TMEM87B: variants seen among roughly 807,000 people sequenced by gnomAD.
TMEM87B encodes the protein transmembrane protein 87B.
In TMEM87B, 83 loss-of-function variants were observed where a neutral mutation model predicts 80.3. The ratio of observed to expected loss-of-function variants is 1.03; its 90% CI spans 0.87 to 1.24. TMEM87B has a LOEUF of 1.24. TMEM87B is among the 50% of genes most tolerant of loss of function. The probability of loss-of-function intolerance (pLI) is 0.00; values close to 1 mark genes in which losing one functional copy is unlikely to be tolerated. For synonymous variants in TMEM87B, 219 were observed against 230.5 expected, an observed-to-expected ratio of 0.95 and a Z score of 0.45; for missense variants, 625 against 674.4, an observed-to-expected ratio of 0.93 and a Z score of 0.81.
intron 10 of TMEM87B, among the ~76,000 whole-genome samples, chr2:112,089,924 C>T (rs969285428): frequency 2.6e-5 from 4 of 152,146 alleles, no homozygotes; most frequent in African/African-American, 9.7e-5. Context: ...TGACTGATTG[C>T]GAAGGCACCG....
At chr2:112,094,000 A>G (rs1311331370) in intron 11 of TMEM87B, among the ~76,000 whole-genome samples, 1 of 152,148 alleles carries the variant, frequency 6.6e-6, no homozygotes, top group Non-Finnish European at 1.5e-5. Flanking sequence ...TATCTATTCA[A>G]TTTAGAATTG....
chr2:112,116,281 G>C lies in TMEM87B; in HGVS notation c.*138G>C. Reference sequence around the variant, plus strand: ...TCTGTGTATCAAAATGAAGAATTCAGATGGTAGGAGGTTCTATAGTCCTTT... The same window carrying C: ...TCTGTGTATCAAAATGAAGAATTCACATGGTAGGAGGTTCTATAGTCCTTT... On this transcript the variant is annotated 3_prime_UTR_variant, in exon 19 of 19. Transcript: ENST00000283206. 1 of 696,416 alleles carries C rather than the reference G, an allele frequency of 1.4e-6. No homozygotes were observed. The highest frequency in any genetic ancestry group is 2.8e-5 in the Admixed American group (1 of 35,848). 43.1% of individuals were successfully genotyped at this position (696,416 alleles called of 1,614,324 possible). A position where few individuals can be genotyped will look rare whatever the true frequency, so the allele number is the denominator to read the frequency against.
At position 112,117,851 on chromosome 2, in the gene TMEM87B, G is replaced by A. The variant is rs1313753919; in HGVS notation, c.*1708G>A. 1 of 152,112 alleles carries A rather than the reference G, an allele frequency of 6.6e-6. No individual in the cohort carries two copies. Among genetic ancestry groups the A allele is most frequent in the East Asian group, 1.9e-4 (1 of 5,188 alleles). 9.4% of individuals were successfully genotyped at this position (152,112 alleles called of 1,614,324 possible). A position where few individuals can be genotyped will look rare whatever the true frequency, so the allele number is the denominator to read the frequency against. On this transcript the variant is annotated 3_prime_UTR_variant, in exon 19 of 19. Transcript: ENST00000283206. ...GACAGATTGACCCCCTACTCATTATGTGGCTCTAGTTGAATTTTAAAATGT... is the reference window on the plus strand; with the variant it reads ...GACAGATTGACCCCCTACTCATTATATGGCTCTAGTTGAATTTTAAAATGT...
intron 17 of TMEM87B, among the ~76,000 whole-genome samples, chr2:112,109,162 A>G (rs910159669): frequency 6.6e-6 from 1 of 152,252 alleles, no homozygotes; most frequent in African/African-American, 2.4e-5. Flanking sequence ...AAATTAATGT[A>G]TAAATAGTCT....
intron 11 of TMEM87B, among the ~76,000 whole-genome samples, chr2:112,093,050 T>C (rs1041536617): frequency 6.6e-6 from 1 of 152,246 alleles, no homozygotes; most frequent in Non-Finnish European, 1.5e-5. Flanking sequence ...ATTGTTTTTC[T>C]TGTATCTTTT....
chr2:112,113,215 T>C lies in TMEM87B; in HGVS notation c.1608+286T>C, dbSNP rs367711695. Among the ~76,000 whole-genome samples the C allele has an allele frequency of 1.7e-3, 263 of 152,348 alleles. 1 individual carries two copies. Among genetic ancestry groups the C allele is most frequent in the Non-Finnish European group, 3.3e-3 (222 of 68,028 alleles). ...ATGGCAGTTTGTCTAAATTAATCTC[T>C]GATACTTGTAGACATTTTGCTGAGA... On this transcript the variant is annotated intron_variant, in intron 18 of 18. Transcript: ENST00000283206.
chr2:112,086,607 G>A (rs1020748636), intron 9 of TMEM87B, among the ~76,000 whole-genome samples: 4 of 152,148 alleles, frequency 2.6e-5, no homozygotes, highest in Non-Finnish European at 5.9e-5. Flanking sequence ...TATCCTTGTT[G>A]TGTTTTTTCA....
At chr2:112,061,566 TTGGC>T (rs1446689553) in intron 2 of TMEM87B, among the ~76,000 whole-genome samples, 2 of 152,186 alleles carry the variant, frequency 1.3e-5, no homozygotes, top group Non-Finnish European at 2.9e-5. Flanking sequence ...GAAAAAAATT[TTGGC>T]ATCTGTTTAT....
intron 11 of TMEM87B, among the ~76,000 whole-genome samples, chr2:112,096,359 C>T (rs145050914): frequency 6.6e-6 from 1 of 152,262 alleles, no homozygotes; most frequent in Non-Finnish European, 1.5e-5. Flanking sequence ...CCACCACTCA[C>T]TCCCCACACC....
chr2:112,070,365 A>G (rs1678586173), intron 4 of TMEM87B, among the ~76,000 whole-genome samples: 1 of 152,230 alleles, frequency 6.6e-6, no homozygotes, highest in Non-Finnish European at 1.5e-5. Flanking sequence ...AATGTAAGCA[A>G]AGGGTCCAGT....
chr2:112,108,435 T>C (rs1048864215), intron 17 of TMEM87B, among the ~76,000 whole-genome samples: 45 of 152,252 alleles, frequency 3.0e-4, no homozygotes, highest in Admixed American at 2.9e-3. Flanking sequence ...GAATTGCCTT[T>C]ACATTTCTTT....
intron 2 of TMEM87B, among the ~76,000 whole-genome samples, chr2:112,062,998 CT>C (rs1470360898): frequency 6.6e-6 from 1 of 152,198 alleles, no homozygotes; most frequent in Non-Finnish European, 1.5e-5. Context: ...TAGCTTCCAT[CT>C]CTTGGGTACT....
In TMEM87B at chr2:112,091,766, T is replaced by G. The variant is rs752015012; in HGVS notation, c.1087T>G (p.Ser363Ala). 5 of 1,612,596 alleles carry G rather than the reference T, an allele frequency of 3.1e-6. No individual in the cohort carries two copies. The Admixed American group carries it at 6.7e-5, about 22-fold the overall frequency. The change falls in exon 11 of 19, where the codon TCC becomes GCC. Residue 363 changes from serine (S) to alanine (A), a missense_variant. Ser to Ala is a moderately conservative substitution (Grantham distance 99). Transcript: ENST00000283206. ...LDDIILAVID[S>A]IFVWFIFISL... ...TGACATTATTTTAGCAGTTATTGAC[T>G]CCATTTTTGTGTGGTTCATATCCTT... is the stretch of plus-strand genomic sequence containing the variant.
At position 112,065,709 on chromosome 2, in the gene TMEM87B, C is replaced by T. The variant is rs538258760; in HGVS notation, c.319-1227C>T. Among the ~76,000 whole-genome samples, 285 of 151,672 alleles carry T rather than the reference C, an allele frequency of 1.9e-3. 6 individuals carry two copies. Among genetic ancestry groups the T allele is most frequent in the Non-Finnish European group, 5.2e-4 (35 of 67,952 alleles). On this transcript the variant is annotated intron_variant, in intron 3 of 18. Coordinates refer to ENST00000283206, the MANE Select transcript of TMEM87B (RefSeq NM_032824.3). ...TATTGTCTTTTAGAGCAGGCGCCCC[C>T]GCTCCCCCTGCACACACACTCCACA...
chr2:112,109,662 G>GTTTT (rs1390005873), intron 17 of TMEM87B, among the ~76,000 whole-genome samples: 1 of 101,722 alleles, frequency 9.8e-6, no homozygotes, highest in Non-Finnish European at 2.1e-5. Context: ...CCTAAGTATG[G>GTTTT]TCTTTTTTTT....
intron 17 of TMEM87B, among the ~76,000 whole-genome samples, chr2:112,111,683 C>G (rs1353949953): frequency 6.6e-6 from 1 of 152,110 alleles, no homozygotes; most frequent in African/African-American, 2.4e-5. Context: ...AAAGCCTTCC[C>G]CTTATACATC....
rs1400584869 is a variant in TMEM87B at position 112,097,407 on chromosome 2, T to G, written c.1272+116T>G. The G allele has an allele frequency of 3.1e-6, 3 of 964,782 alleles. No homozygotes were observed. The African/African-American group carries it at 5.2e-5, about 17-fold the overall frequency. 59.8% of individuals were successfully genotyped at this position (964,782 alleles called of 1,614,324 possible). A position where few individuals can be genotyped will look rare whatever the true frequency, so the allele number is the denominator to read the frequency against. Reference sequence around the variant, plus strand: ...TGATTTTAATGGAGATTTATGTTTTTACTTTGAACTATTTTTTACAGAGTT... The same window carrying G: ...TGATTTTAATGGAGATTTATGTTTTGACTTTGAACTATTTTTTACAGAGTT... On this transcript the variant is annotated intron_variant, in intron 13 of 18. Coordinates refer to ENST00000283206, the MANE Select transcript of TMEM87B (RefSeq NM_032824.3).
chr2:112,068,113 T>C (rs545272259), intron 4 of TMEM87B, among the ~76,000 whole-genome samples: 60 of 151,724 alleles, frequency 4.0e-4, no homozygotes, highest in African/African-American at 1.3e-3. Flanking sequence ...ACTCAGGAGG[T>C]TGAGGCAGGA....
In TMEM87B at chr2:112,066,605, G is replaced by A. The variant is rs1293532612; in HGVS notation, c.319-331G>A. Among the ~76,000 whole-genome samples the A allele has an allele frequency of 2.0e-5, 3 of 152,098 alleles. No individual in the cohort carries two copies. In the East Asian group the frequency reaches 5.8e-4, roughly 29 times the overall value. The stretch of plus-strand genomic sequence containing the variant: ...TCTCTGTAAAATCTCTTACACATGG[G>A]ATAAAATACAAGTAGCCCCAGAACA... On this transcript the variant is annotated intron_variant, in intron 3 of 18. Coordinates refer to ENST00000283206, the MANE Select transcript of TMEM87B (RefSeq NM_032824.3).
Sources: gnomAD v4.1 joint callset for allele counts (sites outside exome capture counted in the v4.1 genomes callset) on GRCh38, gnomAD v4.1.1 for gene constraint, MANE v1.5 for transcripts, NCBI Gene and HGNC (gene_info 2026-07-23, HGNC 2026-07-21) for gene names.